The following CLECL1 variants were observed in gnomAD, a reference collection of about 807,000 sequenced individuals.
CLECL1 encodes C-type lectin-like domain family 1.
chr12:9,727,490 G>A (rs2121059330), intron 3 of CLECL1, among the ~76,000 whole-genome samples: 1 of 151,786 alleles, frequency 6.6e-6, no homozygotes, highest in Non-Finnish European at 1.5e-5. Flanking sequence ...CCTCTATTCA[G>A]ATATCGTCAA....
In CLECL1 at chr12:9,725,235, A is replaced by C. The variant is rs187471971; in HGVS notation, n.262+2330T>G. 2.4e-3 allele frequency among the ~76,000 whole-genome samples: 371 copies of C among 152,276 alleles called. 2 individuals are homozygous for C. Among genetic ancestry groups the C allele is most frequent in the Non-Finnish European group, 3.3e-3 (221 of 67,974 alleles). On this transcript the variant is annotated intron_variant and non_coding_transcript_variant, in intron 3 of 3. Coordinates refer to ENST00000621400, the Ensembl canonical transcript of CLECL1. ...TTGAATATTATTCAAGGGAGAACAT[A>C]AAAAATGGCAAACATCTGGATAAGC...
the CLECL1 span, among the ~76,000 whole-genome samples, chr12:9,708,077 C>T: frequency 1.3e-5 from 2 of 152,232 alleles, no homozygotes; most frequent in South Asian, 4.1e-4. Context: ...TCAGCAGCCA[C>T]GAGGAGGGTG....
At chr12:9,710,695 G>A in the CLECL1 span, among the ~76,000 whole-genome samples, 7 of 152,162 alleles carry the variant, frequency 4.6e-5, no homozygotes, top group Admixed American at 3.3e-4. Flanking sequence ...AACACACAGG[G>A]AGAGGAACAC....
intron 3 of CLECL1, among the ~76,000 whole-genome samples, chr12:9,724,598 A>C (rs1477338993): frequency 6.6e-6 from 1 of 152,334 alleles, no homozygotes. Flanking sequence ...GACATACTTA[A>C]AGGCAAGATT....
intron 2 of CLECL1, among the ~76,000 whole-genome samples, chr12:9,717,014 A>C (rs1866246003): frequency 6.6e-6 from 1 of 152,204 alleles, no homozygotes; most frequent in African/African-American, 2.4e-5. Flanking sequence ...TAGCAGCATG[A>C]ACGATGTCAA....
At chr12:9,718,507 G>C, downstream of CLECL1, 2 of 259,980 alleles carry the variant, frequency 7.7e-6, no homozygotes, top group Non-Finnish European at 1.4e-5. Context: ...GTTATGGGCT[G>C]TGGGGCCCAG....
At chr12:9,731,930 G>C (rs998390893) in intron 1 of CLECL1, among the ~76,000 whole-genome samples, 4 of 152,098 alleles carry the variant, frequency 2.6e-5, no homozygotes, top group African/African-American at 9.7e-5. Flanking sequence ...TGAAGCATAG[G>C]GGAATGACAG....
chr12:9,704,170 T>A, the CLECL1 span: 14 of 152,224 alleles, frequency 9.2e-5, no homozygotes, highest in Non-Finnish European at 2.1e-4. Context: ...AAGTTCATAG[T>A]ACTTTAATAT....
intron 1 of CLECL1, among the ~76,000 whole-genome samples, chr12:9,732,250 C>A (rs1004528501): frequency 7.2e-5 from 11 of 152,144 alleles, no homozygotes; most frequent in Non-Finnish European, 1.5e-4. Flanking sequence ...CCTACATAAA[C>A]TCTATGCTAC....
chr12:9,716,723 T>G (rs1231038910), exon 3 of CLECL1: 1 of 1,244,054 alleles, frequency 8.0e-7, no homozygotes, highest in Admixed American at 2.4e-5. Context: ...CTCTGTCTCC[T>G]CAGCACTGAA....
chr12:9,717,470 A>G (rs1325332706), intron 2 of CLECL1, among the ~76,000 whole-genome samples: 4 of 152,218 alleles, frequency 2.6e-5, no homozygotes, highest in African/African-American at 7.2e-5. Context: ...TTTCTAATTG[A>G]TATTAATCTT....
At chr12:9,710,354 A>C in the CLECL1 span, among the ~76,000 whole-genome samples, 3 of 152,124 alleles carry the variant, frequency 2.0e-5, no homozygotes, top group African/African-American at 2.4e-5. Context: ...GTTTACCCCA[A>C]AAGAATGCCC....
downstream of CLECL1, among the ~76,000 whole-genome samples, chr12:9,718,061 GC>G (rs1280276175): frequency 1.3e-5 from 2 of 151,138 alleles, no homozygotes; most frequent in African/African-American, 4.9e-5. Flanking sequence ...TTCCTCTTTG[GC>G]CTATACATTA....
the CLECL1 span, among the ~76,000 whole-genome samples, chr12:9,706,815 T>G: frequency 6.6e-6 from 1 of 152,204 alleles, no homozygotes; most frequent in Non-Finnish European, 1.5e-5. Context: ...TGAAGTTGTC[T>G]TTTTGTTTGT....
chr12:9,706,497 C>T, the CLECL1 span, among the ~76,000 whole-genome samples: 2 of 152,070 alleles, frequency 1.3e-5, no homozygotes, highest in African/African-American at 4.8e-5. Flanking sequence ...GTAGATTTGT[C>T]ATATATGACT....
At chr12:9,733,129 C>T (rs1275512332), upstream of CLECL1, 5 of 1,613,776 alleles carry the variant, frequency 3.1e-6, no homozygotes, top group Admixed American at 5.0e-5. Context: ...ATTGAGATGG[C>T]AAATTTCCTT....
chr12:9,732,883 A>G lies in CLECL1; in HGVS notation n.82+66T>C, dbSNP rs1435466219. On this transcript the variant is annotated intron_variant and non_coding_transcript_variant, in intron 1 of 3. Coordinates refer to ENST00000621400, the Ensembl canonical transcript of CLECL1. ...TTTTCAGTTTGGCAATTAGATACAT[A>G]AGAAAGAAATAAAGGAGATAACTAG... The G allele has an allele frequency of 5.3e-6, 7 of 1,319,134 alleles. No homozygotes were observed. In the East Asian group the frequency reaches 1.6e-4, roughly 31 times the overall value. The allele number at this position is 1,319,134 out of a possible 1,614,324, so 81.7% of individuals were successfully genotyped here.
At chr12:9,715,090 A>G (rs1271435408), downstream of CLECL1, among the ~76,000 whole-genome samples, 1 of 152,148 alleles carries the variant, frequency 6.6e-6, no homozygotes, top group African/African-American at 2.4e-5. Context: ...GGAGGGGCTG[A>G]CTTTTCCTTT....
intron 2 of CLECL1, among the ~76,000 whole-genome samples, chr12:9,729,316 T>G (rs1866417472): frequency 6.6e-6 from 1 of 152,124 alleles, no homozygotes; most frequent in Admixed American, 6.5e-5. Flanking sequence ...AACATCAAAC[T>G]GCACCAGGCA....
Sources: gnomAD v4.1 joint callset for allele counts (sites outside exome capture counted in the v4.1 genomes callset) on GRCh38, gnomAD v4.1.1 for gene constraint, MANE v1.5 for transcripts, NCBI Gene and HGNC (gene_info 2026-07-23, HGNC 2026-07-21) for gene names.